The following HLCS variants were observed in gnomAD, a reference collection of about 807,000 sequenced individuals.
The protein encoded by HLCS is holocarboxylase synthetase, also known as biotin--protein ligase.
HLCS carries 53 observed loss-of-function variants against 75.0 expected under a neutral mutation model. That is an observed-to-expected ratio of 0.71 (90% CI 0.57 to 0.89). The LOEUF is 0.89. HLCS is among the 40% of genes least tolerant of loss of function. The probability of loss-of-function intolerance (pLI) is 0.00; values close to 1 mark genes in which losing one functional copy is unlikely to be tolerated. For synonymous variants in HLCS, 431 were observed against 428.6 expected, an observed-to-expected ratio of 1.01 and a Z score of -0.07; for missense variants, 966 against 1,074.0, an observed-to-expected ratio of 0.90 and a Z score of 1.41.
intron 2 of HLCS, among the ~76,000 whole-genome samples, chr21:36,955,237 C>T (rs191298213): frequency 1.3e-5 from 2 of 152,140 alleles, no homozygotes; most frequent in Admixed American, 6.6e-5. Flanking sequence ...TGATCCTGAC[C>T]CTGGGCAGCC....
chr21:36,845,915 T>G (rs1311271819), intron 6 of HLCS, among the ~76,000 whole-genome samples: 1 of 152,178 alleles, frequency 6.6e-6, no homozygotes, highest in Non-Finnish European at 1.5e-5. Flanking sequence ...AACTGCTCTC[T>G]TTATATAGAG....
rs540749058 is a variant in HLCS, at chr21:36,945,526, G to A, written c.331-6532C>T. 2.7e-4 allele frequency among the ~76,000 whole-genome samples: 41 copies of A among 152,248 alleles called. No homozygotes were observed. In the South Asian group the frequency reaches 8.3e-3, roughly 31 times the overall value. ...GCATGTTACAACGTGGACGAATCTC[G>A]AATACATTACATTAAGTGAAAGAAG... On this transcript the variant is annotated intron_variant, in intron 2 of 10. Coordinates refer to ENST00000674895, the MANE Select transcript of HLCS (RefSeq NM_001352514.2).
chr21:36,755,930 C>A (rs914474882), intron 10 of HLCS, among the ~76,000 whole-genome samples: 3 of 152,190 alleles, frequency 2.0e-5, no homozygotes, highest in Non-Finnish European at 1.5e-5. Flanking sequence ...AATTTAGATG[C>A]GTCTATTGTT....
intron 5 of HLCS, among the ~76,000 whole-genome samples, chr21:36,924,319 C>T (rs2066305988): frequency 6.6e-6 from 1 of 152,048 alleles, no homozygotes; most frequent in South Asian, 2.1e-4. Context: ...CAGCACTTTG[C>T]GGGGCTGAGG....
intron 8 of HLCS, among the ~76,000 whole-genome samples, chr21:36,762,832 G>A (rs1410564187): frequency 1.3e-5 from 2 of 151,990 alleles, no homozygotes; most frequent in Non-Finnish European, 2.9e-5. Flanking sequence ...CCTGGCGCAC[G>A]CAGCCTCTGA....
chr21:36,884,799 C>G (rs2064375825), intron 6 of HLCS, among the ~76,000 whole-genome samples: 1 of 152,036 alleles, frequency 6.6e-6, no homozygotes, highest in Non-Finnish European at 1.5e-5. Context: ...TAATAAACAT[C>G]TGGGGTTTTT....
In HLCS at chr21:36,938,981, G is replaced by C. The variant is rs780289580; in HGVS notation, c.344C>G (p.Ser115Ter). ...SSSSETIVKWSDCCLPLACRP... is the reference protein window; with the variant it reads ...SSSSETIVKW ...GCAAGCTAATGGCAAACAACAGTCT[G>C]ACCACTTGACAATCTGAGAAAAAGC... The change falls in exon 3 of 11, where the codon TCA becomes TGA. Residue 115 changes from serine (S) to a stop codon, truncating the protein, a stop_gained. Transcript: ENST00000674895. LOFTEE classifies it high-confidence loss of function. 1 of 1,607,898 alleles carries C rather than the reference G, an allele frequency of 6.2e-7. No homozygotes were observed. Among genetic ancestry groups the C allele is most frequent in the Non-Finnish European group, 8.5e-7 (1 of 1,179,560 alleles).
chr21:36,937,523 C>A, intron 3 of HLCS, 131 bp from the exon 4 acceptor site: 1 of 821,248 alleles, frequency 1.2e-6, no homozygotes. Context: ...TCTGGCACGG[C>A]TCCCACCTGC....
Position 36,749,842 on chromosome 21 carries a change from A to C in HLCS, c.*4404T>G, listed in dbSNP as rs1463028878. 1 of 152,222 alleles carries C rather than the reference A, an allele frequency of 6.6e-6. No homozygotes were observed. Among genetic ancestry groups the C allele is most frequent in the Non-Finnish European group, 1.5e-5 (1 of 68,040 alleles). 9.4% of individuals were successfully genotyped at this position (152,222 alleles called of 1,614,324 possible). ...ACTTTTGGGGCTGTATTTAGTAAAA[A>C]TAAATCAAGGCTATCGGAGCAGTTC... On this transcript the variant is annotated 3_prime_UTR_variant, in exon 11 of 11. Coordinates refer to ENST00000674895, the MANE Select transcript of HLCS (RefSeq NM_001352514.2).
chr21:36,832,207 T>A (rs1268224060), intron 6 of HLCS, among the ~76,000 whole-genome samples: 1 of 152,188 alleles, frequency 6.6e-6, no homozygotes, highest in African/African-American at 2.4e-5. Context: ...TGGCTGTATG[T>A]GCTCCAAGTT....
At chr21:36,955,000 G>A (rs931456484) in intron 2 of HLCS, among the ~76,000 whole-genome samples, 5 of 152,190 alleles carry the variant, frequency 3.3e-5, no homozygotes, top group Non-Finnish European at 5.9e-5. Flanking sequence ...GCCGGAGGTT[G>A]CAATGAGCCA....
At chr21:36,869,420 C>G (rs926298012) in intron 6 of HLCS, among the ~76,000 whole-genome samples, 1 of 152,208 alleles carries the variant, frequency 6.6e-6, no homozygotes, top group Non-Finnish European at 1.5e-5. Flanking sequence ...GCGTGAGCCA[C>G]CGTGCCCAGC....
chr21:36,927,186 C>T (rs749985930), intron 5 of HLCS, among the ~76,000 whole-genome samples: 27 of 152,218 alleles, frequency 1.8e-4, no homozygotes, highest in Non-Finnish European at 3.7e-4. Flanking sequence ...AAGCCTTGGT[C>T]GGAGGAAGCC....
At chr21:36,763,756 G>T (rs1441526680) in intron 8 of HLCS, among the ~76,000 whole-genome samples, 1 of 152,190 alleles carries the variant, frequency 6.6e-6, no homozygotes, top group Non-Finnish European at 1.5e-5. Flanking sequence ...CATTTGGGAG[G>T]GGGCTATGGG....
intron 5 of HLCS, among the ~76,000 whole-genome samples, chr21:36,921,735 C>T (rs930761515): frequency 6.6e-6 from 1 of 152,144 alleles, no homozygotes; most frequent in South Asian, 2.1e-4. Context: ...CTCCTCTTCA[C>T]CCAGAGCCCC....
At chr21:36,764,691 T>G (rs2089972037) in intron 8 of HLCS, among the ~76,000 whole-genome samples, 1 of 152,038 alleles carries the variant, frequency 6.6e-6, no homozygotes, top group African/African-American at 2.4e-5. Flanking sequence ...GGTGACAGAG[T>G]GAGACCCTGT....
At chr21:36,760,499 A>G (rs1013899284) in intron 8 of HLCS, among the ~76,000 whole-genome samples, 3 of 152,010 alleles carry the variant, frequency 2.0e-5, no homozygotes, top group African/African-American at 7.2e-5. Context: ...AATCCCAGCT[A>G]CTTGAGAGGC....
chr21:36,876,539 C>G (rs1292740164), intron 6 of HLCS, among the ~76,000 whole-genome samples: 1 of 152,126 alleles, frequency 6.6e-6, no homozygotes, highest in Admixed American at 6.5e-5. Context: ...GTGCTGTTTA[C>G]TTTCTAAATA....
intron 5 of HLCS, among the ~76,000 whole-genome samples, chr21:36,908,085 G>GA (rs955637242): frequency 5.7e-4 from 80 of 140,818 alleles, no homozygotes; most frequent in African/African-American, 9.8e-4. Flanking sequence ...AAAAGAAAAA[G>GA]AAAAAAAAAA....
Sources: gnomAD v4.1 joint callset for allele counts (sites outside exome capture counted in the v4.1 genomes callset) on GRCh38, gnomAD v4.1.1 for gene constraint, MANE v1.5 for transcripts, NCBI Gene and HGNC (gene_info 2026-07-23, HGNC 2026-07-21) for gene names.